Variants in RIMS2 observed in about 807,000 individuals in gnomAD.
The protein encoded by RIMS2 is regulating synaptic membrane exocytosis 2.
A neutral mutation model predicts 174.4 loss-of-function variants in RIMS2; 59 were observed. The observed-to-expected ratio is 0.34, with a 90% confidence interval of 0.27 to 0.42. RIMS2 has a LOEUF of 0.42. Ranked by LOEUF, RIMS2 falls within the 10% of genes least tolerant of loss-of-function variation. The pLI is 1.00. For synonymous variants in RIMS2, 606 were observed against 572.5 expected (o/e 1.06, Z -0.84); for missense variants, 1,620 against 1,666.3 (o/e 0.97, Z 0.48).
In RIMS2 at chr8:104,047,298, T is replaced by A. The variant is rs182884328; in HGVS notation, c.3334+32683T>A. Reference sequence around the variant, plus strand: ...TATATTACTCATACATTCTGAAAACTATAACATTCTGTTTTACCTATGCCT... The same window carrying A: ...TATATTACTCATACATTCTGAAAACAATAACATTCTGTTTTACCTATGCCT... On this transcript the variant is annotated intron_variant, in intron 19 of 23. Coordinates refer to ENST00000504942, the Ensembl canonical transcript of RIMS2. 2.8e-3 allele frequency among the ~76,000 whole-genome samples: 430 copies of A among 152,246 alleles called. 5 individuals carry two copies. Among genetic ancestry groups the A allele is most frequent in the Admixed American group, 4.2e-3 (64 of 15,288 alleles).
At chr8:103,519,332 C>G (rs989266155) in intron 1 of RIMS2, among the ~76,000 whole-genome samples, 10 of 152,104 alleles carry the variant, frequency 6.6e-5, no homozygotes, top group African/African-American at 2.4e-4. Flanking sequence ...AATAGGAAAT[C>G]TTATGGAATT....
intron 3 of RIMS2, among the ~76,000 whole-genome samples, chr8:103,799,099 G>T (rs2098583422): frequency 6.6e-6 from 1 of 151,826 alleles, no homozygotes. Context: ...AAGAAAATGG[G>T]GACCTTGGTC....
chr8:104,009,047 A>T (rs2095674487), intron 17 of RIMS2, among the ~76,000 whole-genome samples: 2 of 152,028 alleles, frequency 1.3e-5, no homozygotes, highest in Admixed American at 6.6e-5. Flanking sequence ...TAGAATTTTT[A>T]AAAAGTTAAT....
At chr8:103,983,558 C>G (rs1436634067) in intron 16 of RIMS2, among the ~76,000 whole-genome samples, 3 of 152,066 alleles carry the variant, frequency 2.0e-5, no homozygotes, top group Non-Finnish European at 4.4e-5. Context: ...ACACGTAGAC[C>G]AATGGAACAC....
intron 16 of RIMS2, among the ~76,000 whole-genome samples, chr8:103,978,803 T>G (rs1254081719): frequency 6.6e-6 from 1 of 152,194 alleles, no homozygotes; most frequent in African/African-American, 2.4e-5. Flanking sequence ...CCAAAAAAAT[T>G]AGCAATGGCT....
chr8:103,545,164 G>A (rs1844424217), intron 1 of RIMS2, among the ~76,000 whole-genome samples: 2 of 152,210 alleles, frequency 1.3e-5, no homozygotes, highest in South Asian at 2.1e-4. Context: ...CAATACAAGA[G>A]ATAAAGACAA....
intron 19 of RIMS2, among the ~76,000 whole-genome samples, chr8:104,241,465 G>A (rs2099294592): frequency 6.6e-6 from 1 of 152,154 alleles, no homozygotes; most frequent in African/African-American, 2.4e-5. Context: ...TATAATGGCA[G>A]ATTTTCAAGT....
At chr8:103,820,712 A>T (rs1473979208) in intron 3 of RIMS2, among the ~76,000 whole-genome samples, 1 of 151,772 alleles carries the variant, frequency 6.6e-6, no homozygotes, top group Non-Finnish European at 1.5e-5. Flanking sequence ...ATAAAATTTC[A>T]CTTTCTTTCC....
At chr8:103,578,692 T>G (rs942440977) in intron 1 of RIMS2, among the ~76,000 whole-genome samples, 6 of 151,990 alleles carry the variant, frequency 3.9e-5, no homozygotes, top group Admixed American at 2.6e-4. Context: ...GGAAAAAATC[T>G]GCTGTTTTAA....
At chr8:103,631,758 G>A (rs2095928492) in intron 1 of RIMS2, among the ~76,000 whole-genome samples, 1 of 152,206 alleles carries the variant, frequency 6.6e-6, no homozygotes, top group Admixed American at 6.5e-5. Context: ...TCCTATCCAT[G>A]AACATGGGAT....
chr8:103,889,954 AT>A (rs1413679014), intron 4 of RIMS2, among the ~76,000 whole-genome samples: 1 of 151,898 alleles, frequency 6.6e-6, no homozygotes. Flanking sequence ...TCACTATGTG[AT>A]TTTGTTCTAC....
intron 19 of RIMS2, among the ~76,000 whole-genome samples, chr8:104,197,977 T>TA (rs1587113459): frequency 6.6e-6 from 1 of 151,578 alleles, no homozygotes; most frequent in African/African-American, 2.4e-5. Context: ...AATAATAAAA[T>TA]AAAAATTTTT....
intron 19 of RIMS2, among the ~76,000 whole-genome samples, chr8:104,214,295 G>A (rs1435823072): frequency 1.3e-5 from 2 of 152,294 alleles, no homozygotes; most frequent in East Asian, 1.9e-4. Flanking sequence ...TGTCTTGTTA[G>A]ACGTGAGCCA....
chr8:103,698,157 T>A (rs928419332), intron 2 of RIMS2, among the ~76,000 whole-genome samples: 1 of 152,222 alleles, frequency 6.6e-6, no homozygotes, highest in Non-Finnish European at 1.5e-5. Flanking sequence ...TTCTTGTTAA[T>A]CCCCATTTTT....
intron 3 of RIMS2, among the ~76,000 whole-genome samples, chr8:103,869,194 T>C (rs949685870): frequency 1.6e-5 from 2 of 121,286 alleles, no homozygotes; most frequent in Admixed American, 8.2e-5. Flanking sequence ...CCAGGAACAC[T>C]TTTTTTTTTT....
chr8:103,791,461 A>G (rs1195125833), intron 3 of RIMS2, among the ~76,000 whole-genome samples: 3 of 152,214 alleles, frequency 2.0e-5, no homozygotes, highest in African/African-American at 7.2e-5. Context: ...AGCCACTGCA[A>G]AAACATGCCA....
intron 14 of RIMS2, among the ~76,000 whole-genome samples, chr8:103,950,615 T>C (rs1485936956): frequency 1.3e-5 from 2 of 152,126 alleles, no homozygotes; most frequent in Non-Finnish European, 2.9e-5. Flanking sequence ...CTAAGCAAAG[T>C]AGGATAGAAA....
At chr8:103,752,857 A>G (rs888178098) in intron 2 of RIMS2, among the ~76,000 whole-genome samples, 17 of 152,132 alleles carry the variant, frequency 1.1e-4, no homozygotes, top group African/African-American at 3.9e-4. Flanking sequence ...GGTTTTCTAT[A>G]TATACAATCA....
intron 3 of RIMS2, among the ~76,000 whole-genome samples, chr8:103,859,054 G>A (rs1017041057): frequency 3.9e-5 from 6 of 152,106 alleles, no homozygotes; most frequent in Non-Finnish European, 8.8e-5. Context: ...AAACTAAAAT[G>A]TTATAATTGG....
Sources: gnomAD v4.1 joint callset for allele counts (sites outside exome capture counted in the v4.1 genomes callset) on GRCh38, gnomAD v4.1.1 for gene constraint, MANE v1.5 for transcripts, NCBI Gene and HGNC (gene_info 2026-07-23, HGNC 2026-07-21) for gene names.